ZNF292: variants seen among roughly 807,000 people sequenced by gnomAD.
The protein encoded by ZNF292 is zinc finger protein 292.
Under a neutral mutation model 217.9 loss-of-function variants are expected in ZNF292, and 26 were observed. The ratio of observed to expected loss-of-function variants is 0.12; its 90% CI spans 0.09 to 0.17. The LOEUF (loss-of-function observed/expected upper bound fraction) is 0.17, where lower values mean the gene tolerates loss of function less well. Among genes scored for constraint, ZNF292 ranks in the 10% least tolerant of loss-of-function variants. The pLI is 1.00. For missense variants in ZNF292, 2,904 were observed against 3,175.2 expected, an observed-to-expected ratio of 0.91 and a Z score of 2.05; for synonymous variants, 1,257 against 1,124.1, an observed-to-expected ratio of 1.12 and a Z score of -2.37.
At position 87,257,846 on chromosome 6, in the gene ZNF292, C is replaced by T; in HGVS notation, c.4217C>T (p.Ala1406Val). Residue 1406 changes from alanine (A) to valine (V), a missense_variant, in exon 8 of 8, where the codon GCC (alanine) becomes GTC (valine). Physicochemically the swap from Ala to Val is moderately conservative, Grantham distance 64. This residue lies in a region of ZNF292 where 622 missense variants were observed against 573.1 expected (regional missense o/e 1.09). Transcript: ENST00000369577. Reference protein sequence around the residue: ...KRSYCKPLDGAEIAQELLQSN... With the variant: ...KRSYCKPLDGVEIAQELLQSN... ...TCTTACTGTAAACCACTGGATGGAG[C>T]CGAAATTGCTCAAGAACTTCTACAG... The T allele has an allele frequency of 6.2e-7, 1 of 1,613,870 alleles. No homozygotes were observed. Among genetic ancestry groups the T allele is most frequent in the Non-Finnish European group, 8.5e-7 (1 of 1,179,806 alleles).
rs759363216 is a variant in ZNF292 at position 87,255,774 on chromosome 6, T to C, written c.2145T>C (p.Leu715=). Residue 715 remains leucine (L), a synonymous_variant, in exon 8 of 8, where the codon CTT becomes CTC. Transcript: ENST00000369577. ...ATAATGAAGACGCCAAGCGCTTTCTTGAAATGCAGAGCAAAAAAGTTATTT... is the reference window on the plus strand; with the variant it reads ...ATAATGAAGACGCCAAGCGCTTTCTCGAAATGCAGAGCAAAAAAGTTATTT... ...HKDNEDAKRF[L]EMQSKKVICQ... is the part of the protein sequence containing the mutation. The C allele has an allele frequency of 6.2e-7, 1 of 1,613,852 alleles. No individual in the cohort carries two copies. The highest frequency in any genetic ancestry group is 1.1e-5 in the South Asian group (1 of 91,074).
chr6:87,174,384 A>G (rs1365373741), intron 1 of ZNF292: 1 of 106,330 alleles, frequency 9.4e-6, no homozygotes, highest in African/African-American at 4.0e-5. Flanking sequence ...AGAATAGGGA[A>G]ACTCCCTTTT....
At chr6:87,181,542 T>C (rs1262893783) in intron 1 of ZNF292, among the ~76,000 whole-genome samples, 1 of 152,168 alleles carries the variant, frequency 6.6e-6, no homozygotes, top group Non-Finnish European at 1.5e-5. Flanking sequence ...GGAATGGCTG[T>C]CCTCTTTTAG....
chr6:87,155,646 G>A lies in ZNF292; in HGVS notation c.55G>A (p.Val19Ile), dbSNP rs1252623518. Reference sequence around the variant, plus strand: ...GTTGAGTTGCGGCGAAGGCGGCTGCGTCGCGGAGCTGCAGCGCCTGGGCGA... The same window carrying A: ...GTTGAGTTGCGGCGAAGGCGGCTGCATCGCGGAGCTGCAGCGCCTGGGCGA... ...ERLSCGEGGC[V>I]AELQRLGERL... Residue 19 changes from valine to isoleucine, a missense_variant, in exon 1 of 8, where the codon GTC becomes ATC. Physicochemically the swap from Val to Ile is conservative, Grantham distance 29. This residue lies in a region of ZNF292 where 66 missense variants were observed against 44.1 expected (regional missense o/e 1.50). Coordinates refer to ENST00000369577, the MANE Select transcript of ZNF292 (RefSeq NM_015021.3). 2 of 1,582,690 alleles carry A rather than the reference G, an allele frequency of 1.3e-6. No homozygotes were observed. The highest frequency in any genetic ancestry group is 1.7e-6 in the Non-Finnish European group (2 of 1,166,096).
intron 1 of ZNF292, among the ~76,000 whole-genome samples, chr6:87,166,115 C>G (rs1174898066): frequency 1.3e-5 from 2 of 151,994 alleles, no homozygotes; most frequent in Non-Finnish European, 2.9e-5. Context: ...TCACAGAACC[C>G]GATTTGAGAA....
At chr6:87,168,552 C>T (rs143223703) in intron 1 of ZNF292, among the ~76,000 whole-genome samples, 23 of 152,170 alleles carry the variant, frequency 1.5e-4, no homozygotes, top group African/African-American at 5.3e-4. Context: ...TCACTGTAAC[C>T]TCTGCCTCCT....
At chr6:87,200,841 C>T (rs1772081208) in intron 1 of ZNF292, among the ~76,000 whole-genome samples, 2 of 152,166 alleles carry the variant, frequency 1.3e-5, no homozygotes, top group African/African-American at 4.8e-5. Context: ...TATTTCACAT[C>T]CTAGCATTGA....
chr6:87,169,761 C>A, intron 1 of ZNF292: 2 of 423,874 alleles, frequency 4.7e-6, no homozygotes, highest in South Asian at 1.7e-5. Flanking sequence ...ATCCTCCCAC[C>A]TCAGCCTCTT....
In ZNF292 at chr6:87,257,172, G is replaced by A. The variant is rs755184162; in HGVS notation, c.3543G>A (p.Ser1181=). The A allele has an allele frequency of 9.3e-6, 15 of 1,613,620 alleles. No individual in the cohort carries two copies. The highest frequency in any genetic ancestry group is 1.6e-4 in the Middle Eastern group (1 of 6,082). The change falls in exon 8 of 8, where the codon TCG becomes TCA. Residue 1181 remains serine, a synonymous_variant. Transcript: ENST00000369577. Reference sequence around the variant, plus strand: ...AAGCCAATGGGAATCCTGCTTGTTCGGCCCAGTTGCAGCATGTCTCGCCAC... The same window carrying A: ...AAGCCAATGGGAATCCTGCTTGTTCAGCCCAGTTGCAGCATGTCTCGCCAC... ...QTKANGNPAC[S]AQLQHVSPPI...
Position 87,258,860 on chromosome 6 carries a change from T to A in ZNF292, c.5231T>A (p.Leu1744Ter). ...TGCACAACTTCAATAAATTCTGATT[T>A]GCAGATTTCTGAAGACAATGTTATA... Reference protein sequence around the residue: ...NSCTTSINSDLQISEDNVIQN... With the variant: ...NSCTTSINSD The change falls in exon 8 of 8, where the codon TTG becomes TAG. Residue 1744 changes from leucine to a stop codon, truncating the protein, a stop_gained. Transcript: ENST00000369577. LOFTEE classifies it high-confidence loss of function. The A allele has an allele frequency of 6.2e-7, 1 of 1,609,484 alleles. No individual in the cohort carries two copies.
intron 1 of ZNF292, among the ~76,000 whole-genome samples, chr6:87,203,068 G>C (rs1243603791): frequency 2.0e-5 from 3 of 150,778 alleles, no homozygotes; most frequent in African/African-American, 7.3e-5. Flanking sequence ...TAATGGTTTT[G>C]AGGTAATCAT....
chr6:87,176,428 G>C (rs1771295275), intron 1 of ZNF292, among the ~76,000 whole-genome samples: 1 of 152,178 alleles, frequency 6.6e-6, no homozygotes, highest in Admixed American at 6.5e-5. Flanking sequence ...CCTTTCCTCA[G>C]GGAATAGCGA....
rs1775661283 is a variant in ZNF292 at position 87,262,578 on chromosome 6, A to G, written c.*777A>G. Reference sequence around the variant, plus strand: ...GTCCATGAAATACAATGGAAATGTGAATAAAGAATTTACTACATTGAAGAT... The same window carrying G: ...GTCCATGAAATACAATGGAAATGTGGATAAAGAATTTACTACATTGAAGAT... On this transcript the variant is annotated 3_prime_UTR_variant, in exon 8 of 8. Transcript: ENST00000369577. The G allele has an allele frequency of 6.6e-6, 1 of 151,874 alleles. No individual in the cohort carries two copies. Among genetic ancestry groups the G allele is most frequent in the East Asian group, 1.9e-4 (1 of 5,194 alleles). The allele number at this position is 151,874 out of a possible 1,614,324, so 9.4% of individuals were successfully genotyped here.
intron 4 of ZNF292, among the ~76,000 whole-genome samples, chr6:87,221,860 G>A (rs1773096584): frequency 6.6e-6 from 1 of 151,978 alleles, no homozygotes. Context: ...GAGGTCAGAG[G>A]TATCTTCTTT....
intron 1 of ZNF292, among the ~76,000 whole-genome samples, chr6:87,172,512 T>C (rs1771134545): frequency 6.6e-6 from 1 of 152,208 alleles, no homozygotes; most frequent in African/African-American, 2.4e-5. Flanking sequence ...AAGCATTCTT[T>C]AGAATGTTTA....
intron 1 of ZNF292, among the ~76,000 whole-genome samples, chr6:87,188,074 G>A (rs1771716994): frequency 6.6e-6 from 1 of 152,170 alleles, no homozygotes; most frequent in Non-Finnish European, 1.5e-5. Context: ...TGGGGGAAAA[G>A]ACCCTAAAAG....
chr6:87,214,756 C>T (rs1038525135), intron 1 of ZNF292, among the ~76,000 whole-genome samples: 14 of 152,026 alleles, frequency 9.2e-5, no homozygotes, highest in Non-Finnish European at 1.6e-4. Flanking sequence ...GCTACTCAGT[C>T]GGTGAGTAGT....
At chr6:87,189,374 T>C (rs1771761645) in intron 1 of ZNF292, among the ~76,000 whole-genome samples, 1 of 152,068 alleles carries the variant, frequency 6.6e-6, no homozygotes, top group Non-Finnish European at 1.5e-5. Flanking sequence ...TGTGTCACAA[T>C]TAATGATCCA....
At chr6:87,171,415 T>C (rs1039190353) in intron 1 of ZNF292, among the ~76,000 whole-genome samples, 1 of 152,008 alleles carries the variant, frequency 6.6e-6, no homozygotes, top group African/African-American at 2.4e-5. Context: ...GTTTGTTTTT[T>C]TAATCTCTGT....
Sources: allele counts gnomAD v4.1 joint callset (sites outside exome capture counted in the v4.1 genomes callset), GRCh38; gene constraint gnomAD v4.1.1; regional missense constraint gnomAD v4.1.1; transcripts MANE v1.5; gene names NCBI Gene and HGNC (gene_info 2026-07-23, HGNC 2026-07-21).